PTPRD: variants seen among roughly 807,000 people sequenced by gnomAD.
The protein encoded by PTPRD is protein tyrosine phosphatase receptor type D, also known as receptor-type tyrosine-protein phosphatase delta.
In PTPRD, 34 loss-of-function variants were observed where a neutral mutation model predicts 214.5. That is an observed-to-expected ratio of 0.16 (90% CI 0.12 to 0.21). The LOEUF is 0.21. Among genes scored for constraint, PTPRD ranks in the 10% least tolerant of loss-of-function variants. The probability of loss-of-function intolerance (pLI) is 1.00; values close to 1 mark genes in which losing one functional copy is unlikely to be tolerated. For synonymous variants in PTPRD, 1,128 were observed against 845.7 expected (o/e 1.33, Z -5.79); for missense variants, 2,545 against 2,398.7 (o/e 1.06, Z -1.27).
chr9:8,356,258 T>C (rs2076974521), intron 39 of PTPRD, among the ~76,000 whole-genome samples: 1 of 152,166 alleles, frequency 6.6e-6, no homozygotes, highest in African/African-American at 2.4e-5. Context: ...AGATACCATG[T>C]AATAAGACCT....
At chr9:9,882,732 C>G (rs539644545) in intron 5 of PTPRD, among the ~76,000 whole-genome samples, 1 of 151,878 alleles carries the variant, frequency 6.6e-6, no homozygotes, top group East Asian at 1.9e-4. Context: ...CCCCAACCCC[C>G]CTATACACCC....
At chr9:8,668,709 G>A (rs923638609) in intron 12 of PTPRD, among the ~76,000 whole-genome samples, 6 of 152,190 alleles carry the variant, frequency 3.9e-5, no homozygotes, top group Admixed American at 6.5e-5. Flanking sequence ...TATATGCACT[G>A]TGTTAAGTGA....
At chr9:10,364,399 G>C (rs1271130017) in intron 2 of PTPRD, among the ~76,000 whole-genome samples, 2 of 151,894 alleles carry the variant, frequency 1.3e-5, no homozygotes, top group Non-Finnish European at 2.9e-5. Flanking sequence ...CAAGGACTCT[G>C]GCTTCAGCAT....
intron 2 of PTPRD, among the ~76,000 whole-genome samples, chr9:10,359,571 C>T (rs1029661746): frequency 3.3e-5 from 5 of 152,014 alleles, no homozygotes; most frequent in African/African-American, 1.2e-4. Flanking sequence ...AATCTCTTTT[C>T]TTTATTTCTG....
At chr9:9,816,381 C>G (rs969454935) in intron 5 of PTPRD, among the ~76,000 whole-genome samples, 1 of 151,958 alleles carries the variant, frequency 6.6e-6, no homozygotes, top group Admixed American at 6.6e-5. Context: ...ACCACATTAT[C>G]GATTTAATAA....
chr9:9,240,840 G>A (rs547133454), intron 9 of PTPRD, among the ~76,000 whole-genome samples: 5 of 152,152 alleles, frequency 3.3e-5, no homozygotes, highest in African/African-American at 1.2e-4. Flanking sequence ...CGCTCATCAG[G>A]TTTCTAATCA....
At chr9:9,977,766 G>A (rs887866410) in intron 4 of PTPRD, among the ~76,000 whole-genome samples, 4 of 152,070 alleles carry the variant, frequency 2.6e-5, no homozygotes, top group African/African-American at 7.2e-5. Context: ...TAAGAAAGAA[G>A]GGAATTTAGG....
chr9:9,111,990 G>A (rs1273442076), intron 10 of PTPRD, among the ~76,000 whole-genome samples: 1 of 152,020 alleles, frequency 6.6e-6, no homozygotes, highest in African/African-American at 2.4e-5. Flanking sequence ...ATTGCCATGG[G>A]GAGTCCAGGC....
intron 11 of PTPRD, among the ~76,000 whole-genome samples, chr9:8,781,264 CA>C (rs2095685090): frequency 2.0e-5 from 3 of 152,284 alleles, no homozygotes; most frequent in South Asian, 4.1e-4. Flanking sequence ...TCTTAAGAGT[CA>C]GGGGGCTGCT....
chr9:10,053,966 C>T (rs549270780), intron 3 of PTPRD, among the ~76,000 whole-genome samples: 2 of 152,144 alleles, frequency 1.3e-5, no homozygotes, highest in African/African-American at 2.4e-5. Flanking sequence ...ATCATGTTGG[C>T]CAGGCTGGTT....
At chr9:9,280,249 C>G (rs1186652708) in intron 9 of PTPRD, among the ~76,000 whole-genome samples, 1 of 151,168 alleles carries the variant, frequency 6.6e-6, no homozygotes, top group Non-Finnish European at 1.5e-5. Context: ...GACGGAGTGA[C>G]TTGTAGAGTA....
At chr9:10,047,851 G>T (rs936408357) in intron 3 of PTPRD, among the ~76,000 whole-genome samples, 8 of 152,058 alleles carry the variant, frequency 5.3e-5, no homozygotes, top group Non-Finnish European at 8.8e-5. Context: ...GTGCAAGTGT[G>T]GTTAAATGGG....
At chr9:10,595,389 C>T (rs1185487420) in intron 2 of PTPRD, among the ~76,000 whole-genome samples, 1 of 151,650 alleles carries the variant, frequency 6.6e-6, no homozygotes, top group African/African-American at 2.4e-5. Context: ...TAATTACTTC[C>T]AAATAAGTTG....
At chr9:9,881,594 T>C (rs1306862447) in intron 5 of PTPRD, among the ~76,000 whole-genome samples, 4 of 152,272 alleles carry the variant, frequency 2.6e-5, no homozygotes, top group South Asian at 2.1e-4. Context: ...AACTTTCAGT[T>C]AGCTTTGGAA....
rs1554629508 is a variant in PTPRD at position 9,019,325 on chromosome 9, A to AAAGAAAGG, written c.-142-591_-142-590insCCTTTCTT. On this transcript the variant is annotated intron_variant, in intron 10 of 45. Transcript: ENST00000381196. ...GAAAGAAAGAAAGAAAGAAAGAAAG[A>AAAGAAAGG]AAGAAAGAAAGAACGAAAGAAAGAA... Among the ~76,000 whole-genome samples, 156 of 63,482 alleles carry AAAGAAAGG rather than the reference A, an allele frequency of 2.5e-3. 2 individuals are homozygous for AAAGAAAGG. The highest frequency in any genetic ancestry group is 4.6e-3 in the African/African-American group (76 of 16,670). 41.6% of individuals were successfully genotyped at this position (63,482 alleles called of 152,430 possible). A position where few individuals can be genotyped will look rare whatever the true frequency, so the allele number is the denominator to read the frequency against.
intron 8 of PTPRD, among the ~76,000 whole-genome samples, chr9:9,549,322 T>C (rs1440436339): frequency 6.6e-6 from 1 of 152,024 alleles, no homozygotes; most frequent in Non-Finnish European, 1.5e-5. Flanking sequence ...TAAAGAACTC[T>C]TATAACTAAT....
At chr9:9,841,041 G>A (rs2058209994) in intron 5 of PTPRD, among the ~76,000 whole-genome samples, 1 of 152,156 alleles carries the variant, frequency 6.6e-6, no homozygotes, top group South Asian at 2.1e-4. Context: ...AGCTGAAGCT[G>A]CACTGGATTT....
At chr9:8,994,605 A>G (rs1344043893) in intron 11 of PTPRD, among the ~76,000 whole-genome samples, 3 of 152,072 alleles carry the variant, frequency 2.0e-5, no homozygotes, top group Non-Finnish European at 4.4e-5. Context: ...CAAGAATGGA[A>G]GATCAGGATA....
At chr9:10,464,779 A>G (rs2131432956) in intron 2 of PTPRD, among the ~76,000 whole-genome samples, 1 of 152,286 alleles carries the variant, frequency 6.6e-6, no homozygotes, top group South Asian at 2.1e-4. Context: ...CAATGTAACA[A>G]CGGTAATGTC....
Sources: allele counts gnomAD v4.1 joint callset (sites outside exome capture counted in the v4.1 genomes callset), GRCh38; gene constraint gnomAD v4.1.1; transcripts MANE v1.5; gene names NCBI Gene and HGNC (gene_info 2026-07-23, HGNC 2026-07-21).